Variants in GSK3B observed in about 807,000 individuals in gnomAD.
The protein encoded by GSK3B is glycogen synthase kinase 3 beta, also known as glycogen synthase kinase-3 beta.
A neutral mutation model predicts 56.4 loss-of-function variants in GSK3B; 15 were observed. The observed-to-expected ratio is 0.27, with a 90% CI of 0.18 to 0.41. The LOEUF (loss-of-function observed/expected upper bound fraction) is 0.41, where lower values mean the gene tolerates loss of function less well. GSK3B is among the 10% of genes least tolerant of loss of function. The pLI is 1.00. For synonymous variants in GSK3B, 181 were observed against 188.9 expected (o/e 0.96, Z 0.34); for missense variants, 300 against 513.4 (o/e 0.58, Z 4.02).
At chr3:120,074,073 G>C (rs1319757863) in intron 1 of GSK3B, among the ~76,000 whole-genome samples, 1 of 152,128 alleles carries the variant, frequency 6.6e-6, no homozygotes, top group Non-Finnish European at 1.5e-5. Context: ...GGGAGGCCGA[G>C]GTGGATAGAT....
rs2055476159 is a variant in GSK3B at position 119,824,831 on chromosome 3, A to G, written c.*1957T>C. 5.4e-6 allele frequency: 1 copy of G among 183,706 alleles called. No individual in the cohort carries two copies. The highest frequency in any genetic ancestry group is 2.4e-5 in the African/African-American group (1 of 42,548). 11.4% of individuals were successfully genotyped at this position (183,706 alleles called of 1,614,324 possible). On this transcript the variant is annotated 3_prime_UTR_variant, in exon 11 of 11. Coordinates refer to ENST00000264235, the MANE Select transcript of GSK3B (RefSeq NM_001146156.2). ...GCGAGTGAAAACCAAGATGGCTCACAGTTGTCTTTCTGGGTACTGGTTCAC... is the reference window on the plus strand; with the variant it reads ...GCGAGTGAAAACCAAGATGGCTCACGGTTGTCTTTCTGGGTACTGGTTCAC...
At chr3:120,084,881 T>C (rs1012176989) in intron 1 of GSK3B, among the ~76,000 whole-genome samples, 3 of 152,234 alleles carry the variant, frequency 2.0e-5, no homozygotes, top group African/African-American at 7.2e-5. Flanking sequence ...ATAGCAATTT[T>C]CTAGAGTTAC....
intron 4 of GSK3B, among the ~76,000 whole-genome samples, chr3:119,918,346 G>A (rs1398978216): frequency 6.6e-6 from 1 of 151,630 alleles, no homozygotes; most frequent in Non-Finnish European, 1.5e-5. Context: ...GGTGGTGCAC[G>A]CCTGTAATCC....
chr3:119,964,406 C>T (rs1480068502), intron 2 of GSK3B, among the ~76,000 whole-genome samples: 1 of 152,048 alleles, frequency 6.6e-6, no homozygotes, highest in Non-Finnish European at 1.5e-5. Flanking sequence ...TATATACATA[C>T]AATAGAATAA....
At chr3:119,996,680 C>G (rs1004610841) in intron 2 of GSK3B, among the ~76,000 whole-genome samples, 1 of 151,358 alleles carries the variant, frequency 6.6e-6, no homozygotes, top group African/African-American at 2.4e-5. Context: ...TTCTACAGTT[C>G]ATTTACATAG....
intron 10 of GSK3B, among the ~76,000 whole-genome samples, chr3:119,840,007 A>G (rs1033124397): frequency 6.6e-5 from 10 of 152,002 alleles, no homozygotes; most frequent in African/African-American, 1.9e-4. Flanking sequence ...TTAATAGTTT[A>G]TTTATTTATT....
At chr3:119,997,813 G>A (rs2057637838) in intron 2 of GSK3B, among the ~76,000 whole-genome samples, 1 of 152,158 alleles carries the variant, frequency 6.6e-6, no homozygotes, top group Admixed American at 6.6e-5. Context: ...ATAATACATG[G>A]TTTTTAAAAT....
intron 1 of GSK3B, among the ~76,000 whole-genome samples, chr3:120,025,315 G>A (rs2107514415): frequency 6.6e-6 from 1 of 152,272 alleles, no homozygotes; most frequent in Admixed American, 6.5e-5. Context: ...ATCTTCTGGA[G>A]GGCTGTTTTT....
At chr3:119,836,878 T>A (rs1052156892) in intron 10 of GSK3B, among the ~76,000 whole-genome samples, 1 of 152,236 alleles carries the variant, frequency 6.6e-6, no homozygotes, top group African/African-American at 2.4e-5. Flanking sequence ...CTCTTTGATA[T>A]GTTTTATTAG....
chr3:119,846,618 T>TCA (rs2108015053), intron 9 of GSK3B, among the ~76,000 whole-genome samples: 1 of 152,226 alleles, frequency 6.6e-6, no homozygotes, highest in Non-Finnish European at 1.5e-5. Flanking sequence ...AGAATGGTGA[T>TCA]CATTAAAAAG....
chr3:119,947,103 C>A (rs957110336), intron 3 of GSK3B, among the ~76,000 whole-genome samples, 165 bp downstream of exon 3: 1 of 152,092 alleles, frequency 6.6e-6, no homozygotes, highest in African/African-American at 2.4e-5. Context: ...CCTGATATAA[C>A]TAATGATATC....
rs371218050 is a variant in GSK3B at position 119,862,464 on chromosome 3, T to G, written c.1096+955A>C. Among the ~76,000 whole-genome samples, 8 of 129,628 alleles carry G rather than the reference T, an allele frequency of 6.2e-5. No individual in the cohort carries two copies. The East Asian group carries it at 1.3e-3, about 21-fold the overall frequency. The allele number at this position is 129,628 out of a possible 152,430, so 85.0% of individuals were successfully genotyped here. ...GGGTGCAGCACACCAGTATGGCACA[T>G]GTATACATATGTAACTAACCTGCAC... On this transcript the variant is annotated intron_variant, in intron 9 of 10. Transcript: ENST00000264235.
chr3:119,837,109 C>A (rs2055702749), intron 10 of GSK3B, among the ~76,000 whole-genome samples: 1 of 152,142 alleles, frequency 6.6e-6, no homozygotes, highest in Non-Finnish European at 1.5e-5. Context: ...GAATCACTGA[C>A]TGGAAGAAGG....
intron 7 of GSK3B, among the ~76,000 whole-genome samples, chr3:119,889,517 T>C (rs2056477941): frequency 6.6e-6 from 1 of 152,126 alleles, no homozygotes; most frequent in Non-Finnish European, 1.5e-5. Context: ...TTGATGCATA[T>C]TTTAAATCCT....
chr3:120,035,426 G>A (rs891333974), intron 1 of GSK3B, among the ~76,000 whole-genome samples: 2 of 152,150 alleles, frequency 1.3e-5, no homozygotes, highest in South Asian at 2.1e-4. Flanking sequence ...TGCAACCCTC[G>A]GAAACTAATA....
At chr3:119,931,395 C>G (rs1021479760) in intron 3 of GSK3B, among the ~76,000 whole-genome samples, 2 of 152,200 alleles carry the variant, frequency 1.3e-5, no homozygotes, top group African/African-American at 4.8e-5. Flanking sequence ...GTGGGTGGAT[C>G]TCTTGAGCCC....
intron 3 of GSK3B, among the ~76,000 whole-genome samples, chr3:119,928,993 C>A (rs1334032999): frequency 6.6e-6 from 1 of 151,838 alleles, no homozygotes; most frequent in African/African-American, 2.4e-5. Context: ...ATCTTTTTTT[C>A]TTTAAATCTA....
In GSK3B at chr3:120,075,825, G is replaced by A. The variant is rs115379820; in HGVS notation, c.88+17522C>T. Among the ~76,000 whole-genome samples the A allele has an allele frequency of 4.3e-3, 649 of 151,984 alleles. 1 individual carries two copies. Among genetic ancestry groups the A allele is most frequent in the African/African-American group, 0.015 (610 of 41,468 alleles). The stretch of plus-strand genomic sequence containing the variant: ...CCCAAAGCAACAAAACAGATTCAAC[G>A]CAATTCCTATCAAAATCCCAATGGC... On this transcript the variant is annotated intron_variant, in intron 1 of 10. Coordinates refer to ENST00000264235, the MANE Select transcript of GSK3B (RefSeq NM_001146156.2).
intron 2 of GSK3B, among the ~76,000 whole-genome samples, chr3:119,970,406 C>G (rs1380528654): frequency 6.6e-6 from 1 of 151,996 alleles, no homozygotes; most frequent in East Asian, 1.9e-4. Context: ...CACTATACAC[C>G]TATTAGAATA....
Sources: gnomAD v4.1 joint callset for allele counts (sites outside exome capture counted in the v4.1 genomes callset) on GRCh38, gnomAD v4.1.1 for gene constraint, MANE v1.5 for transcripts, NCBI Gene and HGNC (gene_info 2026-07-23, HGNC 2026-07-21) for gene names.